The following SLC35F4 variants were observed in gnomAD, a reference collection of about 807,000 sequenced individuals.
The protein encoded by SLC35F4 is solute carrier family 35 member F4.
In SLC35F4, 24 loss-of-function variants were observed where a neutral mutation model predicts 44.2. The ratio of observed to expected loss-of-function variants is 0.54; its 90% CI spans 0.39 to 0.76. SLC35F4 has a LOEUF of 0.76. SLC35F4 is among the 30% of genes least tolerant of loss of function. The pLI is 0.00. For synonymous variants in SLC35F4, 238 were observed against 223.6 expected, an observed-to-expected ratio of 1.06 and a Z score of -0.57; for missense variants, 562 against 586.1, an observed-to-expected ratio of 0.96 and a Z score of 0.42.
chr14:57,626,067 C>A (rs1480065078), intron 1 of SLC35F4, among the ~76,000 whole-genome samples: 2 of 149,212 alleles, frequency 1.3e-5, no homozygotes, highest in Non-Finnish European at 3.0e-5. Flanking sequence ...CAAACTAACA[C>A]AAGAACAGAA....
At chr14:57,962,379 T>C (rs1890354505) in intron 1 of SLC35F4, among the ~76,000 whole-genome samples, 1 of 152,162 alleles carries the variant, frequency 6.6e-6, no homozygotes, top group Admixed American at 6.5e-5. Flanking sequence ...TCCCGGGATC[T>C]AAGCTCAGAT....
At chr14:57,701,497 A>G (rs2075540574) in intron 1 of SLC35F4, among the ~76,000 whole-genome samples, 1 of 152,222 alleles carries the variant, frequency 6.6e-6, no homozygotes, top group African/African-American at 2.4e-5. Flanking sequence ...TATACCATAC[A>G]TAATTGTATG....
At chr14:57,756,261 A>G (rs908268938) in intron 1 of SLC35F4, among the ~76,000 whole-genome samples, 1 of 152,156 alleles carries the variant, frequency 6.6e-6, no homozygotes, top group African/African-American at 2.4e-5. Context: ...TTTTGGTGGT[A>G]TTTTCCTTCA....
chr14:57,768,242 CT>C (rs757584857), intron 1 of SLC35F4, among the ~76,000 whole-genome samples: 3 of 152,088 alleles, frequency 2.0e-5, no homozygotes, highest in African/African-American at 7.2e-5. Flanking sequence ...CATCAAAATG[CT>C]TTTTTCAGTT....
intron 1 of SLC35F4, among the ~76,000 whole-genome samples, chr14:57,657,299 G>A (rs956877748): frequency 6.6e-6 from 1 of 152,150 alleles, no homozygotes; most frequent in Non-Finnish European, 1.5e-5. Flanking sequence ...TGTTTAGGAT[G>A]CTGTCTGTGC....
intron 1 of SLC35F4, among the ~76,000 whole-genome samples, chr14:57,877,533 A>G (rs1888424084): frequency 6.6e-6 from 1 of 152,150 alleles, no homozygotes; most frequent in African/African-American, 2.4e-5. Context: ...GGATTGCTCA[A>G]TCAAATGGTA....
At chr14:57,820,763 A>G (rs1238752500) in intron 1 of SLC35F4, among the ~76,000 whole-genome samples, 1 of 152,156 alleles carries the variant, frequency 6.6e-6, no homozygotes, top group Non-Finnish European at 1.5e-5. Flanking sequence ...GTCAGATCTC[A>G]TGACAAGGCA....
At chr14:57,879,707 T>C (rs1888478074) in intron 1 of SLC35F4, among the ~76,000 whole-genome samples, 1 of 152,130 alleles carries the variant, frequency 6.6e-6, no homozygotes, top group African/African-American at 2.4e-5. Context: ...CCTGCCAGCA[T>C]GGGAATCACC....
At chr14:57,860,669 A>G (rs945185122) in intron 1 of SLC35F4, among the ~76,000 whole-genome samples, 1 of 152,218 alleles carries the variant, frequency 6.6e-6, no homozygotes, top group Non-Finnish European at 1.5e-5. Context: ...AAAAATATCA[A>G]TAATGGAATA....
chr14:57,900,741 C>A (rs1253822405), intron 1 of SLC35F4, among the ~76,000 whole-genome samples: 9 of 152,052 alleles, frequency 5.9e-5, no homozygotes, highest in African/African-American at 1.9e-4. Flanking sequence ...AACAGGAAAC[C>A]TATAGAATAG....
chr14:57,630,329 T>C (rs2072706254), intron 1 of SLC35F4: 3 of 587,220 alleles, frequency 5.1e-6, no homozygotes, highest in Non-Finnish European at 9.5e-6. Flanking sequence ...GGTCGTATAG[T>C]CCTAGAAACA....
At chr14:57,755,726 T>C (rs2076979647) in intron 1 of SLC35F4, among the ~76,000 whole-genome samples, 1 of 113,890 alleles carries the variant, frequency 8.8e-6, no homozygotes, top group African/African-American at 3.3e-5. Context: ...CATAGTTTAC[T>C]GCAGTTTTAC....
intron 1 of SLC35F4, among the ~76,000 whole-genome samples, chr14:57,776,872 G>A (rs1188842985): frequency 6.6e-6 from 1 of 152,080 alleles, no homozygotes; most frequent in African/African-American, 2.4e-5. Context: ...AAACACAGGA[G>A]AAATAAGATC....
rs60973207 is a variant in SLC35F4, at chr14:57,873,738, A to AACACACAC, written n.282+108167_282+108174dup. Among the ~76,000 whole-genome samples the AACACACAC allele has an allele frequency of 1.1e-3, 160 of 150,928 alleles. 1 individual carries two copies. Among genetic ancestry groups the AACACACAC allele is most frequent in the African/African-American group, 2.5e-3 (104 of 41,248 alleles). On this transcript the variant is annotated intron_variant and non_coding_transcript_variant, in intron 1 of 1. Coordinates refer to the SLC35F4 transcript ENST00000556568. ...ATTTGCTAATATTAAAGTGAATACAAACACACACACACACACACATGACAA... is the reference window on the plus strand; with the variant it reads ...ATTTGCTAATATTAAAGTGAATACAAACACACACACACACACACACACACACATGACAA...
rs1358406551 is a variant in SLC35F4 at position 57,734,512 on chromosome 14, T to C, written c.103+131211A>G. On this transcript the variant is annotated intron_variant, in intron 1 of 7. Coordinates refer to ENST00000556826, the MANE Select transcript of SLC35F4 (RefSeq NM_001306087.2). ...GGAGTAACATATTACACTGGCAGAG[T>C]TTTCCCCATGGCTAGACTTTTCTCC... Among the ~76,000 whole-genome samples the C allele has an allele frequency of 2.0e-5, 3 of 151,978 alleles. No individual in the cohort carries two copies. The East Asian group carries it at 5.8e-4, about 29-fold the overall frequency.
intron 1 of SLC35F4, among the ~76,000 whole-genome samples, chr14:57,735,354 T>C (rs2076437341): frequency 6.6e-6 from 1 of 152,224 alleles, no homozygotes; most frequent in Non-Finnish European, 1.5e-5. Context: ...AACGATGCTT[T>C]GTGATATCTC....
chr14:57,890,055 C>G (rs1313967360), intron 1 of SLC35F4, among the ~76,000 whole-genome samples: 1 of 152,186 alleles, frequency 6.6e-6, no homozygotes, highest in African/African-American at 2.4e-5. Context: ...TTCTCTACCC[C>G]CACTGATATT....
chr14:57,753,361 G>A (rs1411788788), intron 1 of SLC35F4, among the ~76,000 whole-genome samples: 1 of 152,160 alleles, frequency 6.6e-6, no homozygotes, highest in African/African-American at 2.4e-5. Flanking sequence ...AGTAGCACCT[G>A]GGCAGCCCCA....
intron 1 of SLC35F4, among the ~76,000 whole-genome samples, chr14:57,920,011 G>A (rs913644643): frequency 6.6e-6 from 1 of 152,038 alleles, no homozygotes; most frequent in African/African-American, 2.4e-5. Flanking sequence ...TCATTACCAT[G>A]AGCAGTAAAC....
Sources: gnomAD v4.1 joint callset for allele counts (sites outside exome capture counted in the v4.1 genomes callset) on GRCh38, gnomAD v4.1.1 for gene constraint, MANE v1.5 for transcripts, NCBI Gene and HGNC (gene_info 2026-07-23, HGNC 2026-07-21) for gene names.